TASP1: variants seen among roughly 807,000 people sequenced by gnomAD.
TASP1 encodes threonine aspartase 1.
TASP1 carries 16 observed loss-of-function variants against 56.6 expected under a neutral mutation model. The observed-to-expected ratio is 0.28, with a 90% CI of 0.19 to 0.43. The LOEUF is 0.43. Among genes scored for constraint, TASP1 ranks in the 20% least tolerant of loss-of-function variants. The probability of loss-of-function intolerance (pLI) is 1.00; values close to 1 mark genes in which losing one functional copy is unlikely to be tolerated. For synonymous variants in TASP1, 179 were observed against 184.2 expected (o/e 0.97, Z 0.23); for missense variants, 393 against 511.6 (o/e 0.77, Z 2.24).
chr20:13,432,476 T>C (rs1203449743), intron 12 of TASP1, among the ~76,000 whole-genome samples: 2 of 152,226 alleles, frequency 1.3e-5, no homozygotes, highest in African/African-American at 2.4e-5. Context: ...CCTATCCTTC[T>C]ATACTGTTTG....
intron 10 of TASP1, among the ~76,000 whole-genome samples, chr20:13,486,812 G>A (rs1276513085): frequency 6.6e-6 from 1 of 152,100 alleles, no homozygotes; most frequent in Admixed American, 6.6e-5. Flanking sequence ...ATCCGATTAG[G>A]CCTCTAAATT....
At chr20:13,127,370 A>AG in the TASP1 span, among the ~76,000 whole-genome samples, 1 of 152,202 alleles carries the variant, frequency 6.6e-6, no homozygotes, top group Non-Finnish European at 1.5e-5. Flanking sequence ...GTGCTGAATA[A>AG]GGCAGTTCTT....
chr20:13,469,826 TGA>T (rs777047044), intron 11 of TASP1, among the ~76,000 whole-genome samples: 1 of 101,630 alleles, frequency 9.8e-6, no homozygotes, highest in African/African-American at 4.1e-5. Context: ...TTTTTTTTTT[TGA>T]GAGAGTGTCT....
the TASP1 span, among the ~76,000 whole-genome samples, chr20:13,264,847 A>G: frequency 1.3e-4 from 20 of 152,332 alleles, no homozygotes; most frequent in East Asian, 3.1e-3. Flanking sequence ...TCATCTCAGC[A>G]GAGCTTTCCC....
chr20:13,224,837 C>G, the TASP1 span, among the ~76,000 whole-genome samples: 2 of 136,010 alleles, frequency 1.5e-5, no homozygotes, highest in Non-Finnish European at 3.2e-5. Flanking sequence ...TACTAGCTTT[C>G]TTTCTTTTTT....
At chr20:13,310,842 T>C in the TASP1 span, among the ~76,000 whole-genome samples, 1 of 152,016 alleles carries the variant, frequency 6.6e-6, no homozygotes, top group Non-Finnish European at 1.5e-5. Context: ...CGCAGGAAAA[T>C]GCAAATTAAA....
the TASP1 span, among the ~76,000 whole-genome samples, chr20:13,271,853 C>A: frequency 9.2e-6 from 1 of 108,280 alleles, no homozygotes; most frequent in Admixed American, 9.3e-5. Context: ...TAGCTTACTG[C>A]ATGCAGCCCC....
At chr20:13,594,423 T>A (rs1246124219) in intron 4 of TASP1, among the ~76,000 whole-genome samples, 3 of 152,186 alleles carry the variant, frequency 2.0e-5, no homozygotes, top group Non-Finnish European at 4.4e-5. Flanking sequence ...AATAACAAAC[T>A]TCTCCGAGCT....
chr20:13,330,582 A>G, the TASP1 span, among the ~76,000 whole-genome samples: 1 of 152,178 alleles, frequency 6.6e-6, no homozygotes, highest in Admixed American at 6.5e-5. Context: ...GATCATGTAG[A>G]ACTGTTATTA....
chr20:13,175,602 T>A, the TASP1 span, among the ~76,000 whole-genome samples: 1 of 152,130 alleles, frequency 6.6e-6, no homozygotes, highest in Non-Finnish European at 1.5e-5. Flanking sequence ...AAAAAAAAAT[T>A]GAAGTACTCT....
chr20:13,175,664 A>G, the TASP1 span, among the ~76,000 whole-genome samples: 24 of 152,370 alleles, frequency 1.6e-4, no homozygotes, highest in African/African-American at 4.8e-4. Flanking sequence ...TTAGATTTAC[A>G]CTAGAATTTT....
Position 13,534,086 on chromosome 20 carries a change from C to A in TASP1, c.731G>T (p.Gly244Val). Residue 244 changes from glycine (G) to valine (V), a missense_variant, in exon 9 of 14, where the codon GGG becomes GTG. Gly to Val is a moderately radical substitution (Grantham distance 109). This residue lies in a region of TASP1 where 293 missense variants were observed against 354.2 expected (regional missense o/e 0.83). Coordinates refer to ENST00000337743, the MANE Select transcript of TASP1 (RefSeq NM_017714.3). ...ACTGGAGACAGCAGCAGCAACATTC[C>A]CTTCGTGGTCCACAACCACAGCGCC... ...TVGAVVVDHE[G>V]NVAAAVSSGG... is the part of the protein sequence containing the mutation. The A allele has an allele frequency of 6.2e-7, 1 of 1,613,610 alleles. No individual in the cohort carries two copies. The highest frequency in any genetic ancestry group is 8.5e-7 in the Non-Finnish European group (1 of 1,179,702).
At chr20:13,457,160 TA>T in intron 11 of TASP1, among the ~76,000 whole-genome samples, 1 of 152,092 alleles carries the variant, frequency 6.6e-6, no homozygotes, top group Non-Finnish European at 1.5e-5. Flanking sequence ...TTAGGAGAAA[TA>T]CCTAATGTAA....
chr20:13,209,136 G>A, the TASP1 span, among the ~76,000 whole-genome samples: 1 of 152,142 alleles, frequency 6.6e-6, no homozygotes, highest in Non-Finnish European at 1.5e-5. Context: ...CTTTCAGCTT[G>A]AGTTCTGAAA....
chr20:13,214,519 GCACACACACACACACACACA>G, the TASP1 span, among the ~76,000 whole-genome samples: 1,418 of 115,782 alleles, frequency 0.012, 23 homozygotes, highest in African/African-American at 0.044. Context: ...ACAGAGACAG[GCACACACACACACACACACA>G]CACACACACA....
intron 11 of TASP1, among the ~76,000 whole-genome samples, chr20:13,439,760 T>A (rs1054389683): frequency 6.6e-6 from 1 of 151,642 alleles, no homozygotes; most frequent in African/African-American, 2.4e-5. Flanking sequence ...ATTAAAAAGA[T>A]GAAAAATGAG....
At chr20:13,362,139 C>T in the TASP1 span, among the ~76,000 whole-genome samples, 2 of 149,990 alleles carry the variant, frequency 1.3e-5, no homozygotes, top group East Asian at 2.0e-4. Context: ...TGAGAAACAT[C>T]GCCCATTCTC....
intron 11 of TASP1, among the ~76,000 whole-genome samples, chr20:13,439,803 A>G (rs2043152732): frequency 6.6e-6 from 1 of 152,212 alleles, no homozygotes; most frequent in South Asian, 2.1e-4. Flanking sequence ...AAGCTAGGCC[A>G]GAATTATCCA....
chr20:13,477,074 A>G (rs2042973975), intron 11 of TASP1, among the ~76,000 whole-genome samples: 1 of 152,140 alleles, frequency 6.6e-6, no homozygotes. Context: ...ATGATCACAG[A>G]GGCTAAATGT....
Sources: allele counts gnomAD v4.1 joint callset (sites outside exome capture counted in the v4.1 genomes callset), GRCh38; gene constraint gnomAD v4.1.1; regional missense constraint gnomAD v4.1.1; transcripts MANE v1.5; gene names NCBI Gene and HGNC (gene_info 2026-07-23, HGNC 2026-07-21).